The following FRMD4B variants were observed in gnomAD, a reference collection of about 807,000 sequenced individuals.
FRMD4B encodes the protein FERM domain containing 4B, also known as FERM domain-containing protein 4B.
Under a neutral mutation model 141.5 loss-of-function variants are expected in FRMD4B, and 74 were observed. The observed-to-expected ratio is 0.52, with a 90% confidence interval of 0.43 to 0.63. The LOEUF is 0.63. Among genes scored for constraint, FRMD4B ranks in the 30% least tolerant of loss-of-function variants. FRMD4B has a pLI of 0.00. For synonymous variants in FRMD4B, 506 were observed against 467.9 expected, an observed-to-expected ratio of 1.08 and a Z score of -1.05; for missense variants, 1,366 against 1,253.4, an observed-to-expected ratio of 1.09 and a Z score of -1.36.
At position 69,502,865 on chromosome 3, in the gene FRMD4B, G is replaced by T. The variant is rs200638865; in HGVS notation, c.-129+39341C>A. ...AACAAACAAACAACCCCATCAAAAA[G>T]TGGGCAAAGGATATGAACAGACACT... On this transcript the variant is annotated intron_variant, in intron 1 of 5. Coordinates refer to the FRMD4B transcript ENST00000459638. 7.9e-5 allele frequency among the ~76,000 whole-genome samples: 12 copies of T among 152,236 alleles called. No homozygotes were observed. In the East Asian group the frequency reaches 2.3e-3, roughly 29 times the overall value.
chr3:69,175,407 T>A (rs982096000), intron 22 of FRMD4B, among the ~76,000 whole-genome samples: 1 of 152,232 alleles, frequency 6.6e-6, no homozygotes, highest in African/African-American at 2.4e-5. Flanking sequence ...TTTTAAAAAA[T>A]CAGTTTTAAC....
rs571935036 is a variant in FRMD4B, at chr3:69,188,848, T to C, written c.1772-931A>G. Among the ~76,000 whole-genome samples, 7 of 149,998 alleles carry C rather than the reference T, an allele frequency of 4.7e-5. No homozygotes were observed. In the South Asian group the frequency reaches 1.5e-3, roughly 32 times the overall value. ...AATTCTTCAAGTCATACCACAGAGA[T>C]CGCCAACTCAATCATGATTAAGTAC... On this transcript the variant is annotated intron_variant, in intron 18 of 22. Coordinates refer to ENST00000398540, the MANE Select transcript of FRMD4B (RefSeq NM_015123.3).
chr3:69,242,879 A>C (rs532576041), intron 7 of FRMD4B, among the ~76,000 whole-genome samples: 78 of 151,140 alleles, frequency 5.2e-4, no homozygotes, highest in African/African-American at 1.7e-3. Flanking sequence ...ATGTAATCCC[A>C]GTTACTCGGG....
In FRMD4B at chr3:69,181,329, G is replaced by A. The variant is rs766868014; in HGVS notation, c.2421C>T (p.Ala807=). 4.3e-6 allele frequency: 7 copies of A among 1,613,820 alleles called. No individual in the cohort carries two copies. The highest frequency in any genetic ancestry group is 4.5e-5 in the East Asian group (2 of 44,874). The change falls in exon 21 of 23, where the codon GCC becomes GCT. Residue 807 remains alanine, a synonymous_variant. Coordinates refer to ENST00000398540, the MANE Select transcript of FRMD4B (RefSeq NM_015123.3). ...CACACTCTGCATAGGGTGTGTACCC[G>A]GCAATGTAGTAACTGGAAGACGGTG... ...QEPPSSSYYI[A]GYTPYAECDF...
intron 5 of FRMD4B, among the ~76,000 whole-genome samples, chr3:69,271,963 A>C (rs1446066376): frequency 6.6e-6 from 1 of 152,118 alleles, no homozygotes; most frequent in Admixed American, 6.5e-5. Flanking sequence ...TGACAGAGTG[A>C]GACTCTGTCT....
intron 2 of FRMD4B, among the ~76,000 whole-genome samples, chr3:69,403,570 G>A (rs2106758363): frequency 6.6e-6 from 1 of 152,260 alleles, no homozygotes; most frequent in East Asian, 1.9e-4. Context: ...TAAACCCTGA[G>A]ACTATGAAAT....
At chr3:69,284,179 T>C (rs1177657286) in intron 5 of FRMD4B, among the ~76,000 whole-genome samples, 1 of 151,906 alleles carries the variant, frequency 6.6e-6, no homozygotes, top group Non-Finnish European at 1.5e-5. Flanking sequence ...AACTCCTTAG[T>C]CTGGGAGATC....
At chr3:69,421,030 A>G (rs777337494) in intron 2 of FRMD4B, among the ~76,000 whole-genome samples, 2 of 152,186 alleles carry the variant, frequency 1.3e-5, no homozygotes, top group Admixed American at 1.3e-4. Context: ...TGTGGCTCAC[A>G]CTGAGTCAGC....
chr3:69,280,385 A>C (rs909580948), intron 5 of FRMD4B, among the ~76,000 whole-genome samples: 1 of 152,082 alleles, frequency 6.6e-6, no homozygotes, highest in Non-Finnish European at 1.5e-5. Flanking sequence ...GTTCCTACCT[A>C]GTTTTCTTAC....
intron 2 of FRMD4B, among the ~76,000 whole-genome samples, chr3:69,400,197 G>A (rs1418594175): frequency 1.3e-5 from 2 of 151,638 alleles, no homozygotes; most frequent in Non-Finnish European, 2.9e-5. Flanking sequence ...ACCAGCATGG[G>A]CAACATACTG....
chr3:69,491,994 C>G (rs116764103), intron 1 of FRMD4B, among the ~76,000 whole-genome samples: 3 of 152,334 alleles, frequency 2.0e-5, no homozygotes, highest in Non-Finnish European at 2.9e-5. Flanking sequence ...GCCGTACCCC[C>G]GCAAGTACCA....
chr3:69,407,022 T>C (rs955339084), intron 2 of FRMD4B, among the ~76,000 whole-genome samples: 2 of 151,356 alleles, frequency 1.3e-5, no homozygotes, highest in African/African-American at 2.4e-5. Context: ...AGATTACAGA[T>C]GTGAGCCACC....
At chr3:69,458,397 T>C (rs911898584) in intron 1 of FRMD4B, among the ~76,000 whole-genome samples, 1 of 151,966 alleles carries the variant, frequency 6.6e-6, no homozygotes. Flanking sequence ...GATGGGAAAA[T>C]ATAGGAAAAA....
At chr3:69,345,742 C>T (rs1481131437) in intron 1 of FRMD4B, among the ~76,000 whole-genome samples, 1 of 152,200 alleles carries the variant, frequency 6.6e-6, no homozygotes, top group East Asian at 1.9e-4. Flanking sequence ...GGACCTCTGG[C>T]ACACTCCAAC....
chr3:69,485,155 G>A (rs1706193947), intron 1 of FRMD4B, among the ~76,000 whole-genome samples: 1 of 152,316 alleles, frequency 6.6e-6, no homozygotes, highest in Non-Finnish European at 1.5e-5. Context: ...GCAGCAGGGG[G>A]CTGGCATGTC....
At chr3:69,384,792 T>TGA (rs1214837506) in intron 1 of FRMD4B, among the ~76,000 whole-genome samples, 1 of 152,206 alleles carries the variant, frequency 6.6e-6, no homozygotes, top group African/African-American at 2.4e-5. Context: ...TCATTTTGCC[T>TGA]GATTGATGGA....
At chr3:69,275,571 C>A (rs1175101898) in intron 5 of FRMD4B, among the ~76,000 whole-genome samples, 1 of 151,774 alleles carries the variant, frequency 6.6e-6, no homozygotes, top group Non-Finnish European at 1.5e-5. Flanking sequence ...TTCCAAGTAG[C>A]TAGGACCACA....
chr3:69,181,620 T>C lies in FRMD4B; in HGVS notation c.2130A>G (p.Pro710=), dbSNP rs777144004. 15 of 1,613,448 alleles carry C rather than the reference T, an allele frequency of 9.3e-6. No individual in the cohort carries two copies. The highest frequency in any genetic ancestry group is 2.2e-5 in the East Asian group (1 of 44,866). Residue 710 remains proline (P), a synonymous_variant, in exon 21 of 23, where the codon CCA becomes CCG. Transcript: ENST00000398540. ...TTTGGGATTTGGAGAGGGAGAAAAA[T>C]GGCTTATCGCTGTCCATCTCGGAGA... is the stretch of plus-strand genomic sequence containing the variant. ...HLLSEMDSDK[P]FFSLSKSQRS... is the part of the protein sequence containing the mutation.
At chr3:69,175,988 G>A (rs915579592) in intron 22 of FRMD4B, among the ~76,000 whole-genome samples, 4 of 151,920 alleles carry the variant, frequency 2.6e-5, no homozygotes, top group Non-Finnish European at 5.9e-5. Flanking sequence ...CACCGTGTTA[G>A]CCAGGATGGT....
Sources: gnomAD v4.1 joint callset for allele counts (sites outside exome capture counted in the v4.1 genomes callset) on GRCh38, gnomAD v4.1.1 for gene constraint, MANE v1.5 for transcripts, NCBI Gene and HGNC (gene_info 2026-07-23, HGNC 2026-07-21) for gene names.